Variants in TSHZ2 observed in about 807,000 individuals in gnomAD.
TSHZ2 encodes the protein teashirt zinc finger homeobox 2.
In TSHZ2, 21 loss-of-function variants were observed where a neutral mutation model predicts 74.4. That is an observed-to-expected ratio of 0.28 (90% CI 0.20 to 0.41). The LOEUF (loss-of-function observed/expected upper bound fraction) is 0.41. TSHZ2 is among the 10% of genes least tolerant of loss of function. The pLI is 1.00. For synonymous variants in TSHZ2, 540 were observed against 515.3 expected, an observed-to-expected ratio of 1.05 and a Z score of -0.65; for missense variants, 1,244 against 1,293.5, an observed-to-expected ratio of 0.96 and a Z score of 0.59.
At chr20:53,129,424 A>G (rs931305465) in intron 1 of TSHZ2, among the ~76,000 whole-genome samples, 3 of 152,194 alleles carry the variant, frequency 2.0e-5, no homozygotes, top group Non-Finnish European at 4.4e-5. Flanking sequence ...ATAAAATGAA[A>G]GGTTTCCCAC....
At chr20:53,065,639 T>C (rs1174707459) in intron 1 of TSHZ2, among the ~76,000 whole-genome samples, 1 of 152,146 alleles carries the variant, frequency 6.6e-6, no homozygotes, top group Non-Finnish European at 1.5e-5. Flanking sequence ...CCACTTAAAG[T>C]GCATTCCCTC....
At chr20:53,163,024 C>T (rs947224283) in intron 1 of TSHZ2, among the ~76,000 whole-genome samples, 9 of 152,146 alleles carry the variant, frequency 5.9e-5, no homozygotes, top group African/African-American at 1.7e-4. Flanking sequence ...AAAACAATTT[C>T]CTCCATAGTC....
intron 2 of TSHZ2, among the ~76,000 whole-genome samples, chr20:53,469,342 AAGACCAGCCT>A (rs2043100797): frequency 1.3e-5 from 2 of 151,612 alleles, no homozygotes; most frequent in Non-Finnish European, 2.9e-5. Flanking sequence ...TCAGAAGTTC[AAGACCAGCCT>A]GGCCAACATG....
intron 1 of TSHZ2, among the ~76,000 whole-genome samples, chr20:53,217,264 A>G (rs1234459847): frequency 1.3e-5 from 2 of 152,116 alleles, no homozygotes; most frequent in African/African-American, 4.8e-5. Context: ...CTTTCGTACC[A>G]GCGCCCTCTG....
intron 2 of TSHZ2, among the ~76,000 whole-genome samples, chr20:53,282,737 T>G (rs1327033302): frequency 6.6e-6 from 1 of 152,192 alleles, no homozygotes; most frequent in African/African-American, 2.4e-5. Flanking sequence ...TTCGAAGGAA[T>G]AAATACAAAA....
chr20:53,253,603 G>T lies in TSHZ2; in HGVS notation c.145G>T (p.Gly49Trp). ...VAQLQGGNDT[G>W]TDEELETGPE... ...TCAACTGCAGGGTGGCAATGACACA[G>T]GGACGGACGAGGAGCTAGAAACGGG... The change falls in exon 2 of 3, where the codon GGG (glycine) becomes TGG (tryptophan). Residue 49 changes from glycine (G) to tryptophan (W), a missense_variant. By Grantham distance (184) the Gly-to-Trp change is radical (BLOSUM62 -2). Around this residue, in one of 6 missense-constraint regions of TSHZ2, gnomAD observed 470 missense variants for 456.5 expected, o/e 1.03. Transcript: ENST00000371497. 1.2e-6 allele frequency: 2 copies of T among 1,614,170 alleles called. No individual in the cohort carries two copies. Among genetic ancestry groups the T allele is most frequent in the Non-Finnish European group, 1.7e-6 (2 of 1,180,036 alleles).
At chr20:53,200,249 A>T (rs1568808539) in intron 1 of TSHZ2, among the ~76,000 whole-genome samples, 1 of 152,166 alleles carries the variant, frequency 6.6e-6, no homozygotes, top group Non-Finnish European at 1.5e-5. Context: ...TCCCTGCCAC[A>T]GTGGCAATGT....
chr20:53,266,516 C>A (rs531414682), intron 2 of TSHZ2, among the ~76,000 whole-genome samples: 1 of 152,302 alleles, frequency 6.6e-6, no homozygotes, highest in South Asian at 2.1e-4. Context: ...TATGCACTCT[C>A]ACCTCAAATA....
chr20:53,278,460 C>T (rs1600785434), intron 2 of TSHZ2, among the ~76,000 whole-genome samples: 1 of 152,078 alleles, frequency 6.6e-6, no homozygotes, highest in Admixed American at 6.5e-5. Flanking sequence ...TCCACAGGAG[C>T]CATGTCATTT....
chr20:53,225,962 T>C (rs1989675246), intron 1 of TSHZ2, among the ~76,000 whole-genome samples: 1 of 152,192 alleles, frequency 6.6e-6, no homozygotes, highest in African/African-American at 2.4e-5. Context: ...TCCACATTTA[T>C]CAAAGGTTTT....
intron 2 of TSHZ2, among the ~76,000 whole-genome samples, chr20:53,442,789 C>G (rs543517231): frequency 7.9e-5 from 12 of 152,298 alleles, no homozygotes; most frequent in Middle Eastern, 3.4e-3. Context: ...ACAACATTGT[C>G]AAATATGTAT....
chr20:53,090,076 G>A (rs1466839088), intron 1 of TSHZ2, among the ~76,000 whole-genome samples: 1 of 152,226 alleles, frequency 6.6e-6, no homozygotes, highest in Non-Finnish European at 1.5e-5. Context: ...GCAAACAAGT[G>A]TTGTAAGTCT....
intron 2 of TSHZ2, among the ~76,000 whole-genome samples, chr20:53,295,206 C>G (rs1991353071): frequency 6.6e-6 from 1 of 152,220 alleles, no homozygotes; most frequent in South Asian, 2.1e-4. Flanking sequence ...AAAGCCAGAC[C>G]TCCTGGTTGC....
intron 1 of TSHZ2, chr20:53,168,528 A>G (rs1287408467): frequency 1.3e-5 from 2 of 152,212 alleles, no homozygotes; most frequent in Admixed American, 6.5e-5. Context: ...ATACTGGAAA[A>G]ATTGATTGAA....
chr20:53,356,340 C>T (rs1600827539), intron 2 of TSHZ2, among the ~76,000 whole-genome samples: 1 of 152,254 alleles, frequency 6.6e-6, no homozygotes, highest in East Asian at 1.9e-4. Context: ...AGCACCAGAG[C>T]TTGAAATCTT....
chr20:53,462,222 C>T (rs1348753960), intron 2 of TSHZ2, among the ~76,000 whole-genome samples: 1 of 152,164 alleles, frequency 6.6e-6, no homozygotes, highest in African/African-American at 2.4e-5. Flanking sequence ...CCATTGTACT[C>T]CAGCCTGGGT....
At chr20:53,118,203 A>G (rs1162988103) in intron 1 of TSHZ2, among the ~76,000 whole-genome samples, 1 of 152,192 alleles carries the variant, frequency 6.6e-6, no homozygotes, top group Non-Finnish European at 1.5e-5. Context: ...GAAGCAGTGT[A>G]TGATAGTTTT....
At chr20:53,321,501 T>C (rs1190101237) in intron 2 of TSHZ2, among the ~76,000 whole-genome samples, 1 of 151,788 alleles carries the variant, frequency 6.6e-6, no homozygotes, top group Non-Finnish European at 1.5e-5. Context: ...CTAGCCAACA[T>C]AGTGAAACCC....
chr20:53,439,347 A>G (rs6022470), intron 2 of TSHZ2, among the ~76,000 whole-genome samples: 3 of 152,076 alleles, frequency 2.0e-5, no homozygotes, highest in Non-Finnish European at 4.4e-5. Context: ...CTAGCTCACT[A>G]TTAAAAAAAA....
Sources: gnomAD v4.1 joint callset for allele counts (sites outside exome capture counted in the v4.1 genomes callset) on GRCh38, gnomAD v4.1.1 for gene constraint, gnomAD v4.1.1 regional missense constraint, MANE v1.5 for transcripts, NCBI Gene and HGNC (gene_info 2026-07-23, HGNC 2026-07-21) for gene names.